Variants in ADK observed in about 807,000 individuals in gnomAD.
ADK encodes N6,N6-dimethyladenosine kinase.
ADK carries 24 observed loss-of-function variants against 44.7 expected under a neutral mutation model. That is an observed-to-expected ratio of 0.54 (90% CI 0.39 to 0.76). The LOEUF (loss-of-function observed/expected upper bound fraction) is 0.76. Among genes scored for constraint, ADK ranks in the 30% least tolerant of loss-of-function variants. The probability of loss-of-function intolerance (pLI) is 0.00; values close to 1 mark genes in which losing one functional copy is unlikely to be tolerated. For synonymous variants in ADK, 128 were observed against 142.6 expected, an observed-to-expected ratio of 0.90 and a Z score of 0.73; for missense variants, 321 against 425.1, an observed-to-expected ratio of 0.76 and a Z score of 2.15.
chr10:74,317,738 A>G (rs1274984185), intron 4 of ADK, among the ~76,000 whole-genome samples: 1 of 152,080 alleles, frequency 6.6e-6, no homozygotes. Flanking sequence ...ATGGAAAAAG[A>G]AGATTATAGT....
intron 4 of ADK, among the ~76,000 whole-genome samples, chr10:74,386,641 A>C (rs1184274985): frequency 1.3e-5 from 2 of 151,974 alleles, no homozygotes; most frequent in Admixed American, 1.3e-4. Context: ...GTTGCTTTCT[A>C]CCCTCAGGAT....
intron 7 of ADK, among the ~76,000 whole-genome samples, chr10:74,578,949 A>T (rs188752778): frequency 1.3e-5 from 2 of 152,174 alleles, no homozygotes. Flanking sequence ...TTACATGTAC[A>T]TGTTTGGTAC....
In ADK at chr10:74,698,800, C is replaced by G. The variant is rs1037872971; in HGVS notation, c.965-9521C>G. Among the ~76,000 whole-genome samples the G allele has an allele frequency of 7.9e-5, 12 of 151,900 alleles. 1 individual carries two copies. The highest frequency in any genetic ancestry group is 7.2e-4 in the Admixed American group (11 of 15,246). On this transcript the variant is annotated intron_variant, in intron 10 of 10. Transcript: ENST00000539909. ...TCTCAAACTTCTGGGCTCAAATGAT[C>G]TGGGTGCCTCAGCCTCCCTAAGTAC...
At chr10:74,387,896 ATTTCTTTTTTTTCTTT>A (rs1431950761) in intron 4 of ADK, among the ~76,000 whole-genome samples, 1 of 151,742 alleles carries the variant, frequency 6.6e-6, no homozygotes, top group East Asian at 1.9e-4. Context: ...ATTTCTTTTT[ATTTCTTTTTTTTCTTT>A]TTTCTTTTTT....
chr10:74,290,724 G>C (rs1591994361), intron 3 of ADK, among the ~76,000 whole-genome samples: 1 of 151,996 alleles, frequency 6.6e-6, no homozygotes, highest in East Asian at 1.9e-4. Context: ...GGAACTAATT[G>C]TGTTACTTTT....
Position 74,404,872 on chromosome 10 carries a change from T to C in ADK, c.555+6293T>C, listed in dbSNP as rs562243176. Among the ~76,000 whole-genome samples the C allele has an allele frequency of 7.5e-4, 114 of 152,286 alleles. 1 individual carries two copies. Among genetic ancestry groups the C allele is most frequent in the African/African-American group, 2.6e-3 (110 of 41,570 alleles). On this transcript the variant is annotated intron_variant, in intron 6 of 10. Coordinates refer to ENST00000539909, the MANE Select transcript of ADK (RefSeq NM_006721.4). ...TTACTCATTTTGATCAGTTTAGTTATGATGGGCCTTAGTGTATTCTTCTTC... is the reference window on the plus strand; with the variant it reads ...TTACTCATTTTGATCAGTTTAGTTACGATGGGCCTTAGTGTATTCTTCTTC...
At chr10:74,651,874 G>A (rs902580803) in intron 9 of ADK, among the ~76,000 whole-genome samples, 2 of 152,114 alleles carry the variant, frequency 1.3e-5, no homozygotes, top group African/African-American at 4.8e-5. Context: ...TAAAAAAAAT[G>A]TGCTGAGGTA....
intron 1 of ADK, among the ~76,000 whole-genome samples, chr10:74,195,926 C>T (rs1183371003): frequency 6.6e-6 from 1 of 151,852 alleles, no homozygotes; most frequent in Non-Finnish European, 1.5e-5. Context: ...ATGCGCCCGC[C>T]TCAGCCTCCC....
intron 6 of ADK, among the ~76,000 whole-genome samples, chr10:74,472,615 T>C (rs1034316774): frequency 1.3e-5 from 2 of 152,194 alleles, no homozygotes; most frequent in Admixed American, 1.3e-4. Context: ...AGAAATGCAT[T>C]GTCGTCTGGT....
intron 3 of ADK, among the ~76,000 whole-genome samples, chr10:74,267,260 C>CA (rs1846245686): frequency 6.6e-6 from 1 of 151,922 alleles, no homozygotes; most frequent in African/African-American, 2.4e-5. Context: ...CATCTACAAG[C>CA]AAAAATGGAT....
intron 10 of ADK, among the ~76,000 whole-genome samples, chr10:74,684,811 G>A (rs1211128740): frequency 2.6e-5 from 4 of 151,838 alleles, no homozygotes; most frequent in Admixed American, 2.6e-4. Flanking sequence ...GAAAAATCCA[G>A]TTTGCGTCTT....
At chr10:74,433,424 C>T (rs915927290) in intron 6 of ADK, among the ~76,000 whole-genome samples, 1 of 152,152 alleles carries the variant, frequency 6.6e-6, no homozygotes, top group African/African-American at 2.4e-5. Flanking sequence ...TACTTATCTG[C>T]CTAATTGAGC....
At chr10:74,201,429 T>A (rs759469305) in intron 2 of ADK, among the ~76,000 whole-genome samples, 1 of 152,200 alleles carries the variant, frequency 6.6e-6, no homozygotes, top group Non-Finnish European at 1.5e-5. Context: ...AGGTCTCAGT[T>A]ACCCATAGGA....
intron 4 of ADK, among the ~76,000 whole-genome samples, chr10:74,392,707 G>A (rs1303066699): frequency 6.6e-6 from 1 of 151,808 alleles, no homozygotes; most frequent in African/African-American, 2.4e-5. Flanking sequence ...TGAAATCATT[G>A]CTAAATCCAA....
chr10:74,204,158 T>C (rs765678256), intron 2 of ADK, among the ~76,000 whole-genome samples: 11 of 152,086 alleles, frequency 7.2e-5, no homozygotes, highest in Non-Finnish European at 1.3e-4. Flanking sequence ...GGTTTCACCA[T>C]GTTGGTCAGG....
At chr10:74,564,014 G>A (rs1336927312) in intron 7 of ADK, among the ~76,000 whole-genome samples, 1 of 151,896 alleles carries the variant, frequency 6.6e-6, no homozygotes, top group African/African-American at 2.4e-5. Flanking sequence ...TCTAGCATTA[G>A]GTATATCTCC....
At chr10:74,232,665 A>T (rs1844816213) in intron 3 of ADK, among the ~76,000 whole-genome samples, 1 of 151,540 alleles carries the variant, frequency 6.6e-6, no homozygotes, top group Non-Finnish European at 1.5e-5. Context: ...TTGCTCTGTC[A>T]CCCAGGCTGA....
At chr10:74,512,060 A>G (rs1199741338) in intron 6 of ADK, among the ~76,000 whole-genome samples, 1 of 152,186 alleles carries the variant, frequency 6.6e-6, no homozygotes. Flanking sequence ...TGAGATGATC[A>G]TATGATTTTT....
chr10:74,680,811 A>G (rs1252610784), intron 10 of ADK, among the ~76,000 whole-genome samples: 1 of 152,236 alleles, frequency 6.6e-6, no homozygotes, highest in Non-Finnish European at 1.5e-5. Flanking sequence ...CTTCAGATAT[A>G]TAAGTTCTGA....
Sources: gnomAD v4.1 joint callset for allele counts (sites outside exome capture counted in the v4.1 genomes callset) on GRCh38, gnomAD v4.1.1 for gene constraint, MANE v1.5 for transcripts, NCBI Gene and HGNC (gene_info 2026-07-23, HGNC 2026-07-21) for gene names.